Variants in KCND2 observed in about 807,000 individuals in gnomAD.
KCND2 encodes the protein A-type voltage-gated potassium channel KCND2.
In KCND2, 16 loss-of-function variants were observed where a neutral mutation model predicts 54.4. That is an observed-to-expected ratio of 0.29 (90% CI 0.20 to 0.45). The LOEUF is 0.45. Among genes scored for constraint, KCND2 ranks in the 20% least tolerant of loss-of-function variants. KCND2 has a pLI of 1.00. For missense variants in KCND2, 486 were observed against 824.2 expected (o/e 0.59, Z 5.02); for synonymous variants, 317 against 310.7 (o/e 1.02, Z -0.21).
chr7:120,315,512 A>T (rs888115173), intron 1 of KCND2, among the ~76,000 whole-genome samples: 17 of 152,138 alleles, frequency 1.1e-4, no homozygotes, highest in Non-Finnish European at 1.8e-4. Context: ...CCTACATTGT[A>T]TACTTCTCCA....
At chr7:120,697,387 T>C (rs1176138784) in intron 1 of KCND2, among the ~76,000 whole-genome samples, 2 of 152,196 alleles carry the variant, frequency 1.3e-5, no homozygotes, top group African/African-American at 4.8e-5. Context: ...AAGATTTTTT[T>C]TATTATAATT....
At chr7:120,591,337 A>G (rs368891436) in intron 1 of KCND2, among the ~76,000 whole-genome samples, 44 of 152,310 alleles carry the variant, frequency 2.9e-4, no homozygotes, top group African/African-American at 1.0e-3. Context: ...GGATTGGCCT[A>G]CAGAAAGAGG....
At chr7:120,697,981 C>A (rs1252275052) in intron 1 of KCND2, among the ~76,000 whole-genome samples, 1 of 149,646 alleles carries the variant, frequency 6.7e-6, no homozygotes, top group African/African-American at 2.5e-5. Flanking sequence ...AACTGTAACC[C>A]TCATATTTTA....
intron 1 of KCND2, among the ~76,000 whole-genome samples, chr7:120,393,036 C>T (rs2116056722): frequency 6.6e-6 from 1 of 152,034 alleles, no homozygotes; most frequent in South Asian, 2.1e-4. Context: ...ATGTTTGACA[C>T]AATGTGAAAA....
intron 1 of KCND2, among the ~76,000 whole-genome samples, chr7:120,566,546 A>G (rs898988090): frequency 3.3e-5 from 5 of 152,108 alleles, no homozygotes; most frequent in African/African-American, 1.2e-4. Context: ...GGGTCTTGCT[A>G]TATTGCCCAG....
Position 120,315,652 on chromosome 7 carries a change from A to C in KCND2, c.1115+39905A>C, listed in dbSNP as rs150398102. 7.9e-3 allele frequency among the ~76,000 whole-genome samples: 1,202 copies of C among 152,224 alleles called. 16 individuals carry two copies. Among genetic ancestry groups the C allele is most frequent in the Non-Finnish European group, 0.01 (711 of 68,020 alleles). On this transcript the variant is annotated intron_variant, in intron 1 of 5. Coordinates refer to ENST00000331113, the MANE Select transcript of KCND2 (RefSeq NM_012281.3). ...AAGCCCCCAGAAAGTCAGTCACTTG[A>C]AATAGTTCCCCTCTATCAGCATACT...
chr7:120,333,794 A>G (rs945135966), intron 1 of KCND2, among the ~76,000 whole-genome samples: 2 of 152,122 alleles, frequency 1.3e-5, no homozygotes, highest in African/African-American at 2.4e-5. Context: ...GCATTCATCA[A>G]AATAAATTAT....
chr7:120,643,844 A>G (rs947835722), intron 1 of KCND2, among the ~76,000 whole-genome samples: 4 of 151,432 alleles, frequency 2.6e-5, no homozygotes, highest in African/African-American at 9.7e-5. Flanking sequence ...TGTTTACATG[A>G]CATATTCATT....
At chr7:120,570,513 A>G (rs1792351366) in intron 1 of KCND2, among the ~76,000 whole-genome samples, 1 of 152,106 alleles carries the variant, frequency 6.6e-6, no homozygotes, top group African/African-American at 2.4e-5. Flanking sequence ...GTATGAACCA[A>G]TAAAAAAAGA....
intron 1 of KCND2, among the ~76,000 whole-genome samples, chr7:120,458,239 T>G (rs561678267): frequency 6.6e-6 from 1 of 152,212 alleles, no homozygotes; most frequent in East Asian, 1.9e-4. Flanking sequence ...TCTTATATAC[T>G]AACTCGTTAT....
chr7:120,667,293 G>C (rs1011097806), intron 1 of KCND2, among the ~76,000 whole-genome samples: 1 of 152,026 alleles, frequency 6.6e-6, no homozygotes, highest in African/African-American at 2.4e-5. Context: ...TTCTAATAAA[G>C]ACCGTGTACC....
intron 1 of KCND2, among the ~76,000 whole-genome samples, chr7:120,395,894 G>A (rs1402526958): frequency 6.6e-6 from 1 of 151,912 alleles, no homozygotes; most frequent in Non-Finnish European, 1.5e-5. Flanking sequence ...CTTTTATCAA[G>A]GTGTTGGTGA....
intron 1 of KCND2, among the ~76,000 whole-genome samples, chr7:120,698,663 A>G (rs1454498772): frequency 1.3e-5 from 2 of 152,240 alleles, no homozygotes; most frequent in Non-Finnish European, 2.9e-5. Context: ...ACCTACTGGT[A>G]CTAGACTGTG....
At chr7:120,644,304 G>C (rs1793411710) in intron 1 of KCND2, among the ~76,000 whole-genome samples, 1 of 152,104 alleles carries the variant, frequency 6.6e-6, no homozygotes, top group Admixed American at 6.6e-5. Flanking sequence ...TCTCATACTA[G>C]AACTCAGCTC....
chr7:120,567,298 A>G (rs906678301), intron 1 of KCND2, among the ~76,000 whole-genome samples: 2 of 152,186 alleles, frequency 1.3e-5, no homozygotes, highest in South Asian at 2.1e-4. Context: ...TATTCTTAAT[A>G]TAATTTCCTA....
intron 1 of KCND2, among the ~76,000 whole-genome samples, chr7:120,598,735 T>A (rs1792778619): frequency 6.6e-6 from 1 of 152,234 alleles, no homozygotes; most frequent in South Asian, 2.1e-4. Context: ...TATTGCATAT[T>A]CTCTTGCAAA....
intron 1 of KCND2, among the ~76,000 whole-genome samples, chr7:120,420,384 T>C (rs1563040493): frequency 6.6e-6 from 1 of 152,094 alleles, no homozygotes; most frequent in Non-Finnish European, 1.5e-5. Context: ...CAGTGCCTGG[T>C]AGGGTGGAGG....
intron 1 of KCND2, among the ~76,000 whole-genome samples, chr7:120,556,386 C>A (rs1792166391): frequency 6.6e-6 from 1 of 152,154 alleles, no homozygotes. Flanking sequence ...AGCCATTCTG[C>A]ATGCATAATT....
intron 1 of KCND2, among the ~76,000 whole-genome samples, chr7:120,529,294 T>C (rs1322907743): frequency 6.6e-6 from 1 of 152,162 alleles, no homozygotes; most frequent in Non-Finnish European, 1.5e-5. Flanking sequence ...TATTCAGCAA[T>C]AAAACTGAGC....
Sources: gnomAD v4.1 joint callset for allele counts (sites outside exome capture counted in the v4.1 genomes callset) on GRCh38, gnomAD v4.1.1 for gene constraint, MANE v1.5 for transcripts, NCBI Gene and HGNC (gene_info 2026-07-23, HGNC 2026-07-21) for gene names.